The following LDLRAD3 variants were observed in gnomAD, a reference collection of about 807,000 sequenced individuals.
LDLRAD3 encodes the protein low density lipoprotein receptor class A domain containing 3.
LDLRAD3 carries 20 observed loss-of-function variants against 29.4 expected under a neutral mutation model. The ratio of observed to expected loss-of-function variants is 0.68; its 90% CI spans 0.48 to 0.99. LDLRAD3 has a LOEUF of 0.99. Among genes scored for constraint, LDLRAD3 ranks in the 50% least tolerant of loss-of-function variants. The pLI, the probability that LDLRAD3 is intolerant of heterozygous loss-of-function variation, is 0.00. For missense variants in LDLRAD3, 420 were observed against 454.3 expected (o/e 0.92, Z 0.69); for synonymous variants, 157 against 192.7 (o/e 0.81, Z 1.53).
intron 2 of LDLRAD3, among the ~76,000 whole-genome samples, chr11:36,056,990 C>T (rs1159965702): frequency 6.6e-6 from 1 of 152,150 alleles, no homozygotes; most frequent in Non-Finnish European, 1.5e-5. Flanking sequence ...AAACAACCCC[C>T]CAGGTGACTG....
At chr11:36,137,709 T>C (rs556151730) in intron 4 of LDLRAD3, among the ~76,000 whole-genome samples, 13 of 152,372 alleles carry the variant, frequency 8.5e-5, no homozygotes, top group Admixed American at 7.8e-4. Flanking sequence ...AGTACCATTA[T>C]GACCTAATTA....
intron 4 of LDLRAD3, among the ~76,000 whole-genome samples, chr11:36,206,973 A>ACC (rs1855219566): frequency 6.6e-6 from 1 of 152,022 alleles, no homozygotes; most frequent in East Asian, 1.9e-4. Context: ...TGATACACCC[A>ACC]CCTTGGCCTC....
chr11:36,195,221 G>A (rs1855014632), intron 4 of LDLRAD3, among the ~76,000 whole-genome samples: 2 of 152,190 alleles, frequency 1.3e-5, no homozygotes, highest in African/African-American at 4.8e-5. Context: ...GTAACAGTAG[G>A]AGTATTTAGG....
intron 1 of LDLRAD3, among the ~76,000 whole-genome samples, chr11:36,018,469 C>G (rs1202501845): frequency 1.3e-5 from 2 of 152,102 alleles, no homozygotes. Context: ...CTTTGAAGAT[C>G]CCTTTCATTT....
At position 36,213,076 on chromosome 11, in the gene LDLRAD3, C is replaced by T. The variant is rs903786557; in HGVS notation, c.455-14009C>T. ...CCCTCTCTTTCTCTCCCCCTCGCTC[C>T]CTCCCTCTCTCCCTCCCTGTTCCTC... On this transcript the variant is annotated intron_variant, in intron 4 of 5. Transcript: ENST00000315571. The surrounding 1 kb of genome is among the most constrained non-coding windows in gnomAD (Gnocchi z 4.1). Among the ~76,000 whole-genome samples, 22 of 150,064 alleles carry T rather than the reference C, an allele frequency of 1.5e-4. No homozygotes were observed. The highest frequency in any genetic ancestry group is 4.9e-4 in the African/African-American group (20 of 40,544).
chr11:36,212,192 G>A (rs1268190175), intron 4 of LDLRAD3, among the ~76,000 whole-genome samples: 1 of 152,208 alleles, frequency 6.6e-6, no homozygotes, highest in Admixed American at 6.5e-5. Context: ...GCCACTCGAT[G>A]CAGAGGAGGC....
At chr11:36,070,314 G>A (rs1852876676) in intron 2 of LDLRAD3, among the ~76,000 whole-genome samples, 1 of 152,142 alleles carries the variant, frequency 6.6e-6, no homozygotes, top group African/African-American at 2.4e-5. Flanking sequence ...CTCTAAAAAG[G>A]GCCTTTTTGC....
chr11:36,132,696 T>C (rs909750915), intron 4 of LDLRAD3, among the ~76,000 whole-genome samples: 6 of 152,248 alleles, frequency 3.9e-5, no homozygotes, highest in Non-Finnish European at 8.8e-5. Context: ...TACATCACTT[T>C]TGAGCGCCTT....
intron 1 of LDLRAD3, among the ~76,000 whole-genome samples, chr11:35,973,196 G>C (rs2133149181): frequency 1.3e-5 from 2 of 151,496 alleles, no homozygotes; most frequent in South Asian, 4.2e-4. Context: ...TGTTGTCGTT[G>C]TTTACTTACT....
intron 1 of LDLRAD3, among the ~76,000 whole-genome samples, chr11:36,025,657 G>A (rs1036810451): frequency 6.6e-6 from 1 of 151,692 alleles, no homozygotes; most frequent in Non-Finnish European, 1.5e-5. Flanking sequence ...CCAAAGTGCT[G>A]GGATTACAGG....
intron 4 of LDLRAD3, among the ~76,000 whole-genome samples, chr11:36,114,001 A>G (rs892798847): frequency 2.0e-5 from 3 of 152,184 alleles, no homozygotes; most frequent in Non-Finnish European, 4.4e-5. Context: ...ATTGATCAAA[A>G]TAGTCAGGAC....
chr11:36,075,921 A>G (rs1852992030), intron 2 of LDLRAD3, among the ~76,000 whole-genome samples: 1 of 152,234 alleles, frequency 6.6e-6, no homozygotes, highest in African/African-American at 2.4e-5. Context: ...TCCTTTTGAC[A>G]TGCCCCCATG....
At chr11:35,957,550 A>T (rs1253157684) in intron 1 of LDLRAD3, among the ~76,000 whole-genome samples, 1 of 152,176 alleles carries the variant, frequency 6.6e-6, no homozygotes, top group Non-Finnish European at 1.5e-5. Context: ...TTATCCCAGC[A>T]CTTTGGGAGG....
At chr11:36,049,830 C>G (rs1590226608) in intron 2 of LDLRAD3, among the ~76,000 whole-genome samples, 2 of 152,178 alleles carry the variant, frequency 1.3e-5, no homozygotes, top group African/African-American at 4.8e-5. Flanking sequence ...TTCTATTGTC[C>G]TTGCCCTTCA....
At chr11:36,053,354 GA>G (rs1429019117) in intron 2 of LDLRAD3, among the ~76,000 whole-genome samples, 2 of 151,986 alleles carry the variant, frequency 1.3e-5, no homozygotes, top group Non-Finnish European at 2.9e-5. Flanking sequence ...AGAGTACTCA[GA>G]AATTTATTTC....
At chr11:35,986,837 A>G (rs1426269747) in intron 1 of LDLRAD3, among the ~76,000 whole-genome samples, 2 of 152,180 alleles carry the variant, frequency 1.3e-5, no homozygotes, top group Non-Finnish European at 1.5e-5. Context: ...TGCAGAGCAC[A>G]CCTTTTGGTA....
In LDLRAD3 at chr11:36,149,981, C is replaced by T. The variant is rs78306325; in HGVS notation, c.454+51520C>T. Among the ~76,000 whole-genome samples, 936 of 152,208 alleles carry T rather than the reference C, an allele frequency of 6.1e-3. 10 individuals carry two copies. The highest frequency in any genetic ancestry group is 0.021 in the African/African-American group (869 of 41,510). ...TTGGCATTCACCAGGCCAGGGCAGG[C>T]GTGAACGGTGGAATAGGGAGTGTGG... On this transcript the variant is annotated intron_variant, in intron 4 of 5. Coordinates refer to ENST00000315571, the MANE Select transcript of LDLRAD3 (RefSeq NM_174902.4).
chr11:36,179,582 A>G (rs536243511), intron 4 of LDLRAD3, among the ~76,000 whole-genome samples: 6 of 152,292 alleles, frequency 3.9e-5, no homozygotes, highest in African/African-American at 1.4e-4. Flanking sequence ...AGTGGACCAA[A>G]TAAAGTTGAG....
At chr11:36,052,258 ATGG>A in intron 2 of LDLRAD3, among the ~76,000 whole-genome samples, 1 of 152,164 alleles carries the variant, frequency 6.6e-6, no homozygotes, top group African/African-American at 2.4e-5. Context: ...AAGTAATGGG[ATGG>A]TGACATGATA....
Sources: gnomAD v4.1 joint callset for allele counts (sites outside exome capture counted in the v4.1 genomes callset) on GRCh38, gnomAD v4.1.1 for gene constraint, Gnocchi (gnomAD v3.1) non-coding constraint, MANE v1.5 for transcripts, NCBI Gene and HGNC (gene_info 2026-07-23, HGNC 2026-07-21) for gene names.